Variants in CARD14 observed in about 807,000 individuals in gnomAD.
CARD14 encodes the protein caspase recruitment domain-containing protein 14.
CARD14 carries 107 observed loss-of-function variants against 111.5 expected under a neutral mutation model. The observed-to-expected ratio is 0.96, with a 90% confidence interval of 0.82 to 1.13. The LOEUF is 1.13. Ranked by LOEUF, CARD14 falls within the 50% of genes most tolerant of loss-of-function variation. CARD14 has a pLI of 0.00. For missense variants in CARD14, 1,322 were observed against 1,362.3 expected (o/e 0.97, Z 0.47); for synonymous variants, 617 against 579.6 (o/e 1.06, Z -0.93).
rs200102454 is a variant in CARD14, at chr17:80,198,512, C to G, written c.1772C>G (p.Thr591Arg). 2 of 1,613,120 alleles carry G rather than the reference C, an allele frequency of 1.2e-6. No individual in the cohort carries two copies. Among genetic ancestry groups the G allele is most frequent in the Non-Finnish European group, 1.7e-6 (2 of 1,179,932 alleles). The change falls in exon 16 of 24, where the codon ACG becomes AGG. Residue 591 changes from threonine (T) to arginine (R), a missense_variant. Thr to Arg is a moderately conservative substitution (Grantham distance 71). Transcript: ENST00000648509. The surrounding 1 kb of genome is among the most constrained non-coding windows in gnomAD (Gnocchi z 7.5). Reference protein sequence around the residue: ...EQISVIGGNLTGIFIHRVTPG... With the variant: ...EQISVIGGNLRGIFIHRVTPG... ...ATCAGCGTCATCGGCGGGAACCTCACGGGCATCTTCATCCACCGGGTCACC... is the reference window on the plus strand; with the variant it reads ...ATCAGCGTCATCGGCGGGAACCTCAGGGGCATCTTCATCCACCGGGTCACC...
Position 80,183,948 on chromosome 17 carries a change from G to T in CARD14, c.385G>T (p.Ala129Ser). Residue 129 changes from alanine to serine, a missense_variant, in exon 7 of 24, where the codon GCT (alanine) becomes TCT (serine). Transcript: ENST00000648509. ...GACATCCAAGCTGACCGAGTGCCTGGCTGGGGCCATCGGCAGCCTGCAGGA... is the reference window on the plus strand; with the variant it reads ...GACATCCAAGCTGACCGAGTGCCTGTCTGGGGCCATCGGCAGCCTGCAGGA... ...METSKLTECL[A>S]GAIGSLQEEL... 6.5e-7 allele frequency: 1 copy of T among 1,540,652 alleles called. No individual in the cohort carries two copies. Among genetic ancestry groups the T allele is most frequent in the Non-Finnish European group, 8.8e-7 (1 of 1,142,016 alleles).
chr17:80,202,367 C>T lies in CARD14; in HGVS notation c.2166C>T (p.Asn722=), dbSNP rs1277127239. 2.5e-6 allele frequency: 4 copies of T among 1,613,308 alleles called. No homozygotes were observed. The highest frequency in any genetic ancestry group is 3.4e-6 in the Non-Finnish European group (4 of 1,180,040). ...GCTGCTGGCATGCCCACCGCGTGAA[C>T]TCTTACACCATGAAGGATACTGCCG... is the stretch of plus-strand genomic sequence containing the variant. ...GCGCWHAHRV[N]SYTMKDTAAH... The change falls in exon 18 of 24, where the codon AAC becomes AAT. Residue 722 remains asparagine, a synonymous_variant. Transcript: ENST00000648509.
intron 20 of CARD14, 115 bp downstream of exon 20, chr17:80,204,456 T>C (rs1216838198): frequency 5.9e-6 from 6 of 1,015,470 alleles, no homozygotes; most frequent in East Asian, 5.5e-5. Context: ...TAGGCCAGGA[T>C]CTGGTCTTCA....
chr17:80,174,502 G>A (rs888523995), intron 2 of CARD14, among the ~76,000 whole-genome samples: 32 of 152,112 alleles, frequency 2.1e-4, no homozygotes, highest in African/African-American at 7.5e-4. Context: ...CGTGAGCCAC[G>A]TCGCCTGGAC....
In CARD14 at chr17:80,184,239, G is replaced by A. The variant is rs2144188633; in HGVS notation, c.675+1G>A. Reference sequence around the variant, plus strand: ...ACGCTGCCGCAGCCTGCAGGAGGAGGTAGGGGGACACCCTGCACCCCGGCG... The same window carrying A: ...ACGCTGCCGCAGCCTGCAGGAGGAGATAGGGGGACACCCTGCACCCCGGCG... On this transcript the variant is annotated splice_donor_variant, in intron 7 of 23. Transcript: ENST00000648509. LOFTEE classifies it high-confidence loss of function. 1 of 1,519,178 alleles carries A rather than the reference G, an allele frequency of 6.6e-7. No individual in the cohort carries two copies. The allele number at this position is 1,519,178 out of a possible 1,614,324, so 94.1% of individuals were successfully genotyped here.
rs1215993672 is a variant in CARD14 at position 80,195,413 on chromosome 17, C to T, written c.1499+80C>T. 1.3e-6 allele frequency: 2 copies of T among 1,538,132 alleles called. No homozygotes were observed. Among genetic ancestry groups the T allele is most frequent in the East Asian group, 2.3e-5 (1 of 43,344 alleles). ...AACTCACCAGAGACACCAACCTAGA[C>T]CTCAGGGCATCTGGGTATTGCAGGC... On this transcript the variant is annotated intron_variant, in intron 13 of 23. Coordinates refer to ENST00000648509, the MANE Select transcript of CARD14 (RefSeq NM_001366385.1). The surrounding 1 kb of genome is among the most constrained non-coding windows in gnomAD (Gnocchi z 4.7).
intron 18 of CARD14, chr17:80,202,629 G>T (rs1222866374): frequency 9.9e-6 from 14 of 1,411,526 alleles, no homozygotes; most frequent in Non-Finnish European, 1.3e-5. Flanking sequence ...GTTCATTCTA[G>T]AACATTCTAG....
chr17:80,194,474 G>A (rs777125773), intron 12 of CARD14, among the ~76,000 whole-genome samples: 11 of 152,202 alleles, frequency 7.2e-5, no homozygotes, highest in African/African-American at 1.2e-4. Context: ...CTCTGAGTGC[G>A]GCCTCCCCTC....
At chr17:80,193,426 T>TGAGTTTCCA (rs1555613317) in intron 12 of CARD14, among the ~76,000 whole-genome samples, 4 of 135,846 alleles carry the variant, frequency 2.9e-5, no homozygotes, top group East Asian at 2.2e-4. Context: ...ACATGGTCCC[T>TGAGTTTCCA]GGGATGCCGG....
chr17:80,207,864 C>CA (rs759593746), intron 23 of CARD14, among the ~76,000 whole-genome samples: 152 of 132,910 alleles, frequency 1.1e-3, no homozygotes, highest in African/African-American at 1.5e-3. Context: ...CGGCTAAGGA[C>CA]AAAAAAAAAA....
intron 17 of CARD14, 146 bp from the exon 18 acceptor site, chr17:80,202,034 G>T: frequency 8.2e-7 from 1 of 1,218,448 alleles, no homozygotes; most frequent in Non-Finnish European, 1.2e-6. Context: ...AAGCCAGCTG[G>T]AAACCTCCCA....
Position 80,202,257 on chromosome 17 carries a change from G to A in CARD14, c.2056G>A (p.Ala686Thr). 6 of 1,614,008 alleles carry A rather than the reference G, an allele frequency of 3.7e-6. No individual in the cohort carries two copies. Among genetic ancestry groups the A allele is most frequent in the Non-Finnish European group, 5.1e-6 (6 of 1,180,040 alleles). Residue 686 changes from alanine to threonine, a missense_variant, in exon 18 of 24, where the codon GCC becomes ACC. Coordinates refer to ENST00000648509, the MANE Select transcript of CARD14 (RefSeq NM_001366385.1). Reference protein sequence around the residue: ...GDSFYIRVNLAMEGRAKGELQ... With the variant: ...GDSFYIRVNLTMEGRAKGELQ... Reference sequence around the variant, plus strand: ...CTCATTCTACATCCGGGTCAACCTGGCCATGGAGGGCAGGGCCAAAGGGGA... The same window carrying A: ...CTCATTCTACATCCGGGTCAACCTGACCATGGAGGGCAGGGCCAAAGGGGA...
chr17:80,194,383 G>A (rs2040636340), intron 12 of CARD14, among the ~76,000 whole-genome samples: 1 of 152,186 alleles, frequency 6.6e-6, no homozygotes. Context: ...ATACTTATTA[G>A]TGAAAGAAGG....
chr17:80,190,297 A>G (rs1274599922), intron 9 of CARD14, among the ~76,000 whole-genome samples: 5 of 152,180 alleles, frequency 3.3e-5, no homozygotes, highest in African/African-American at 4.8e-5. Context: ...AACTTTCTAG[A>G]TGCACCTCGA....
intron 2 of CARD14, among the ~76,000 whole-genome samples, chr17:80,174,377 T>C (rs1356804661): frequency 6.6e-6 from 1 of 152,098 alleles, no homozygotes; most frequent in African/African-American, 2.4e-5. Flanking sequence ...CACACCCAGC[T>C]AATATTTGTA....
At chr17:80,176,568 A>G (rs911821488) in intron 2 of CARD14, among the ~76,000 whole-genome samples, 2 of 151,952 alleles carry the variant, frequency 1.3e-5, no homozygotes, top group African/African-American at 2.4e-5. Flanking sequence ...ACATTCCATC[A>G]TCTGTAAAGG....
chr17:80,178,179 A>T lies in CARD14; in HGVS notation c.-366-329A>T, dbSNP rs565456649. On this transcript the variant is annotated intron_variant, in intron 2 of 23. Coordinates refer to ENST00000648509, the MANE Select transcript of CARD14 (RefSeq NM_001366385.1). ...TTCTTCCTTCCGGGCAAGGAGACTC[A>T]GCAGAAGGGTATGAGTGGCCTGGCC... Among the ~76,000 whole-genome samples the T allele has an allele frequency of 2.0e-5, 3 of 152,276 alleles. No homozygotes were observed. The South Asian group carries it at 6.2e-4, about 32-fold the overall frequency.
intron 11 of CARD14, chr17:80,192,295 G>C: frequency 3.8e-6 from 2 of 521,388 alleles, no homozygotes; most frequent in South Asian, 6.0e-5. Context: ...TGTGTGTCCA[G>C]CTGGTTTCTT....
rs1445850000 is a variant in CARD14, at chr17:80,201,097, C to T, written c.1852-647C>T. 6.5e-6 allele frequency: 1 copy of T among 152,940 alleles called. No homozygotes were observed. The highest frequency in any genetic ancestry group is 1.9e-4 in the East Asian group (1 of 5,204). The allele number at this position is 152,940 out of a possible 1,614,324, so 9.5% of individuals were successfully genotyped here. A position where few individuals can be genotyped will look rare whatever the true frequency, so the allele number is the denominator to read the frequency against. On this transcript the variant is annotated intron_variant, in intron 16 of 23. Coordinates refer to ENST00000648509, the MANE Select transcript of CARD14 (RefSeq NM_001366385.1). The surrounding 1 kb of genome is among the most constrained non-coding windows in gnomAD (Gnocchi z 5.0). ...ATCAGCTCTGAGGTAGTTCAAGCAA[C>T]AGAGCCCCTTGACGATGTTCAGGGA...
Sources: gnomAD v4.1 joint callset for allele counts (sites outside exome capture counted in the v4.1 genomes callset) on GRCh38, gnomAD v4.1.1 for gene constraint, Gnocchi (gnomAD v3.1) non-coding constraint, MANE v1.5 for transcripts, NCBI Gene and HGNC (gene_info 2026-07-23, HGNC 2026-07-21) for gene names.